The following PTPRD variants were observed in gnomAD, a reference collection of about 807,000 sequenced individuals.
PTPRD encodes receptor-type tyrosine-protein phosphatase delta.
A neutral mutation model predicts 214.5 loss-of-function variants in PTPRD; 34 were observed. That is an observed-to-expected ratio of 0.16 (90% CI 0.12 to 0.21). PTPRD has a LOEUF of 0.21. PTPRD is among the 10% of genes least tolerant of loss of function. The probability of loss-of-function intolerance (pLI) is 1.00; values close to 1 mark genes in which losing one functional copy is unlikely to be tolerated. For synonymous variants in PTPRD, 1,128 were observed against 845.7 expected (o/e 1.33, Z -5.79); for missense variants, 2,545 against 2,398.7 (o/e 1.06, Z -1.27).
intron 2 of PTPRD, among the ~76,000 whole-genome samples, chr9:10,472,838 T>C (rs1015366474): frequency 6.6e-6 from 1 of 152,062 alleles, no homozygotes; most frequent in African/African-American, 2.4e-5. Context: ...ATTATAATTA[T>C]AACTCAAGTT....
At chr9:10,526,521 A>T (rs971318878) in intron 2 of PTPRD, among the ~76,000 whole-genome samples, 9 of 152,094 alleles carry the variant, frequency 5.9e-5, no homozygotes, top group Non-Finnish European at 1.0e-4. Flanking sequence ...GCTTATAAGG[A>T]GAATATTTTG....
chr9:10,064,483 C>T (rs896850551), intron 3 of PTPRD, among the ~76,000 whole-genome samples: 1 of 151,924 alleles, frequency 6.6e-6, no homozygotes, highest in Non-Finnish European at 1.5e-5. Context: ...CTACTTTTCT[C>T]TTCCAGTGAA....
intron 14 of PTPRD, among the ~76,000 whole-genome samples, chr9:8,632,507 G>A (rs1050023284): frequency 1.9e-4 from 29 of 151,916 alleles, no homozygotes; most frequent in African/African-American, 7.0e-4. Context: ...GTGTGAGGGA[G>A]AGAAAGAGAT....
At chr9:9,409,211 GTATTC>G (rs2074553753) in intron 8 of PTPRD, among the ~76,000 whole-genome samples, 1 of 151,702 alleles carries the variant, frequency 6.6e-6, no homozygotes, top group Non-Finnish European at 1.5e-5. Context: ...AAAGTCAGGG[GTATTC>G]TATGATAATA....
At chr9:9,173,278 C>G (rs2099922580) in intron 10 of PTPRD, among the ~76,000 whole-genome samples, 1 of 152,094 alleles carries the variant, frequency 6.6e-6, no homozygotes, top group Non-Finnish European at 1.5e-5. Context: ...TTTTATTTCC[C>G]TACTTTATCT....
intron 2 of PTPRD, among the ~76,000 whole-genome samples, chr9:10,428,076 G>A (rs1286621182): frequency 1.3e-5 from 2 of 151,992 alleles, no homozygotes; most frequent in Non-Finnish European, 2.9e-5. Context: ...AGCACTTTGG[G>A]AGGCCAAGGC....
intron 11 of PTPRD, among the ~76,000 whole-genome samples, chr9:8,840,088 G>T (rs953244522): frequency 2.6e-5 from 4 of 152,162 alleles, no homozygotes; most frequent in Non-Finnish European, 5.9e-5. Flanking sequence ...CTTTGAAATA[G>T]ATGAATAAAA....
chr9:8,619,549 T>C (rs1361152310), intron 14 of PTPRD, among the ~76,000 whole-genome samples: 1 of 152,062 alleles, frequency 6.6e-6, no homozygotes, highest in African/African-American at 2.4e-5. Flanking sequence ...CCCTCTTAAC[T>C]AGCCTTTCAG....
rs1313629275 is a variant in PTPRD at position 8,485,963 on chromosome 9, T to C, written c.2854A>G (p.Thr952Ala). ...TCCCTATAAAGAAGGGTATACTTGG[T>C]GATAATGCCATTTCTCTCTGCCAGG... is the stretch of plus-strand genomic sequence containing the variant. ...PVLAERNGII[T>A]KYTLLYRDIN... Residue 952 changes from threonine to alanine, a missense_variant, in exon 28 of 46, where the codon ACC becomes GCC. Physicochemically the swap from Thr to Ala is moderately conservative, Grantham distance 58. Coordinates refer to ENST00000381196, the MANE Select transcript of PTPRD (RefSeq NM_002839.4). The C allele has an allele frequency of 1.9e-6, 3 of 1,613,996 alleles. No homozygotes were observed. The African/African-American group carries it at 4.0e-5, about 22-fold the overall frequency.
chr9:9,193,106 T>A (rs540609597), intron 9 of PTPRD, among the ~76,000 whole-genome samples: 2 of 152,138 alleles, frequency 1.3e-5, no homozygotes, highest in African/African-American at 4.8e-5. Flanking sequence ...ATACAAACGT[T>A]CAGTTAAATG....
intron 2 of PTPRD, among the ~76,000 whole-genome samples, chr9:10,529,500 A>G (rs10809113): frequency 0.2 from 29,474 of 150,468 alleles, 2,961 homozygotes; most frequent in Admixed American, 0.27. Flanking sequence ...GTTCTCACTC[A>G]TAAGTGGGAG....
intron 2 of PTPRD, among the ~76,000 whole-genome samples, chr9:10,546,799 G>T (rs1315829882): frequency 2.0e-5 from 3 of 151,982 alleles, no homozygotes; most frequent in African/African-American, 7.2e-5. Flanking sequence ...TGTTTGCATT[G>T]TACAAAAACT....
At chr9:9,472,228 G>T (rs914929084) in intron 8 of PTPRD, among the ~76,000 whole-genome samples, 2 of 115,008 alleles carry the variant, frequency 1.7e-5, no homozygotes, top group Non-Finnish European at 3.3e-5. Flanking sequence ...ACGGAGTCTT[G>T]CTCTGTCGCC....
intron 11 of PTPRD, among the ~76,000 whole-genome samples, chr9:8,798,616 A>T (rs1047465206): frequency 3.9e-5 from 6 of 152,192 alleles, no homozygotes; most frequent in African/African-American, 1.4e-4. Context: ...TTTTTTACTC[A>T]TCCATTCATT....
intron 39 of PTPRD, among the ~76,000 whole-genome samples, chr9:8,370,465 G>A (rs2134354879): frequency 6.6e-6 from 1 of 152,168 alleles, no homozygotes; most frequent in South Asian, 2.1e-4. Flanking sequence ...AATGCTCTTT[G>A]CAAGCAAAAT....
In PTPRD at chr9:9,111,516, C is replaced by G. The variant is rs540841751; in HGVS notation, c.-143+71788G>C. Among the ~76,000 whole-genome samples the G allele has an allele frequency of 2.6e-5, 4 of 152,218 alleles. No individual in the cohort carries two copies. The East Asian group carries it at 5.8e-4, about 22-fold the overall frequency. ...GCACCCCAAACAACCCACATTAAGA[C>G]TCTAAACAAATTGCTTCCTGCAAGG... On this transcript the variant is annotated intron_variant, in intron 10 of 45. Coordinates refer to ENST00000381196, the MANE Select transcript of PTPRD (RefSeq NM_002839.4).
At chr9:10,195,308 A>G (rs1366392189) in intron 3 of PTPRD, among the ~76,000 whole-genome samples, 3 of 152,032 alleles carry the variant, frequency 2.0e-5, no homozygotes, top group African/African-American at 7.2e-5. Context: ...CTACATATTT[A>G]GAGACTGCAG....
chr9:8,789,093 G>C (rs1033563086), intron 11 of PTPRD, among the ~76,000 whole-genome samples: 1 of 152,174 alleles, frequency 6.6e-6, no homozygotes, highest in African/African-American at 2.4e-5. Flanking sequence ...GAGGAAGCCA[G>C]TTGACTGCCT....
intron 34 of PTPRD, chr9:8,437,106 A>C: frequency 1.1e-6 from 1 of 879,454 alleles, no homozygotes; most frequent in South Asian, 1.7e-5. Flanking sequence ...AAGTGAAATA[A>C]GAAAACAGAC....
Sources: gnomAD v4.1 joint callset for allele counts (sites outside exome capture counted in the v4.1 genomes callset) on GRCh38, gnomAD v4.1.1 for gene constraint, MANE v1.5 for transcripts, NCBI Gene and HGNC (gene_info 2026-07-23, HGNC 2026-07-21) for gene names.